Variants in RBM24 observed in about 807,000 individuals in gnomAD.
RBM24 encodes RNA binding motif protein 24, also known as RNA-binding protein 24.
A neutral mutation model predicts 23.6 loss-of-function variants in RBM24; 5 were observed. That is an observed-to-expected ratio of 0.21 (90% CI 0.11 to 0.45). The LOEUF is 0.45. RBM24 is among the 20% of genes least tolerant of loss of function. RBM24 has a pLI of 0.99. For missense variants in RBM24, 252 were observed against 314.6 expected (o/e 0.80, Z 1.51); for synonymous variants, 151 against 129.5 (o/e 1.17, Z -1.13).
intron 2 of RBM24, chr6:17,283,186 C>G: frequency 2.3e-6 from 1 of 432,538 alleles, no homozygotes; most frequent in Admixed American, 3.5e-5. Context: ...TCACCTGTTT[C>G]CTATATGGCA....
intron 2 of RBM24, 124 bp downstream of exon 2, chr6:17,283,052 CTTG>C: frequency 1.5e-6 from 1 of 668,918 alleles, no homozygotes; most frequent in South Asian, 1.9e-5. Flanking sequence ...TGAACCATGG[CTTG>C]TTATTCTACC....
At chr6:17,290,210 C>A in intron 3 of RBM24, 1 of 703,548 alleles carries the variant, frequency 1.4e-6, no homozygotes, top group Non-Finnish European at 2.1e-6. Flanking sequence ...TCTGAAAAAT[C>A]TACAAGTGCT....
At position 17,282,876 on chromosome 6, in the gene RBM24, G is replaced by C. The variant is rs1234253238; in HGVS notation, c.240G>C (p.Lys80Asn). ...CCAATCCCATCATTGATGGCAGAAA[G>C]GCCAACGTGAACCTGGCATACTTAG... ...KDPNPIIDGR[K>N]ANVNLAYLGA... The change falls in exon 2 of 4, where the codon AAG becomes AAC. Residue 80 changes from lysine to asparagine, a missense_variant. Lys to Asn is a moderately conservative substitution (Grantham distance 94). Coordinates refer to ENST00000379052, the MANE Select transcript of RBM24 (RefSeq NM_001143942.2). 1 of 1,614,092 alleles carries C rather than the reference G, an allele frequency of 6.2e-7. No individual in the cohort carries two copies. Among genetic ancestry groups the C allele is most frequent in the Non-Finnish European group, 8.5e-7 (1 of 1,180,016 alleles).
At chr6:17,282,522 G>A in intron 1 of RBM24, 1 of 518,974 alleles carries the variant, frequency 1.9e-6, no homozygotes. Flanking sequence ...ATCTCGGCTA[G>A]GCCCTACTAA....
In RBM24 at chr6:17,281,531, TGCCCGAGCCGCAGCCGCAGCCGGA is replaced by T. The variant is rs914361398; in HGVS notation, c.-39_-16del. ...GAGCCGGAGGAGGAGGCGCAGCCGCTGCCCGAGCCGCAGCCGCAGCCGGAGCCCGAGCCGCGGGGCGGGTGCGAA... is the reference window on the plus strand; with the variant it reads ...GAGCCGGAGGAGGAGGCGCAGCCGCTGCCCGAGCCGCGGGGCGGGTGCGAA... On this transcript the variant is annotated 5_prime_UTR_variant, in exon 1 of 4. Transcript: ENST00000379052. This position sits in a 1 kb window ranked among gnomAD's most constrained non-coding sequence, Gnocchi z 7.1. 122 of 1,447,998 alleles carry T rather than the reference TGCCCGAGCCGCAGCCGCAGCCGGA, an allele frequency of 8.4e-5. No individual in the cohort carries two copies. The highest frequency in any genetic ancestry group is 4.6e-4 in the Admixed American group (16 of 34,910). 89.7% of individuals were successfully genotyped at this position (1,447,998 alleles called of 1,614,324 possible). A position where few individuals can be genotyped will look rare whatever the true frequency, so the allele number is the denominator to read the frequency against.
Position 17,281,862 on chromosome 6 carries a change from AGCGGC to A in RBM24, c.168+116_168+120del. 1 of 1,404,954 alleles carries A rather than the reference AGCGGC, an allele frequency of 7.1e-7. No individual in the cohort carries two copies. Among genetic ancestry groups the A allele is most frequent in the Non-Finnish European group, 9.7e-7 (1 of 1,029,922 alleles). 87.0% of individuals were successfully genotyped at this position (1,404,954 alleles called of 1,614,324 possible). A position where few individuals can be genotyped will look rare whatever the true frequency, so the allele number is the denominator to read the frequency against. ...GACCCGTGAGGAGCCCCGCGGGTAGAGCGGCGCTGCCCCTTCGCTCCGGGGTGAAC... is the reference window on the plus strand; with the variant it reads ...GACCCGTGAGGAGCCCCGCGGGTAGAGCTGCCCCTTCGCTCCGGGGTGAAC... On this transcript the variant is annotated intron_variant, in intron 1 of 3. Coordinates refer to ENST00000379052, the MANE Select transcript of RBM24 (RefSeq NM_001143942.2). The surrounding 1 kb of genome is among the most constrained non-coding windows in gnomAD (Gnocchi z 7.1).
intron 3 of RBM24, chr6:17,288,315 A>T: frequency 1.0e-6 from 1 of 985,442 alleles, no homozygotes; most frequent in South Asian, 4.7e-5. Flanking sequence ...GATAAGAGAG[A>T]CGAACATCAG....
intron 1 of RBM24, chr6:17,282,091 G>A: frequency 1.6e-6 from 2 of 1,230,720 alleles, no homozygotes; most frequent in Non-Finnish European, 2.1e-6. Context: ...CTGGATGCCG[G>A]TTGTTAAGCG....
At position 17,291,788 on chromosome 6, in the gene RBM24, T is replaced by C; in HGVS notation, c.380T>C (p.Phe127Ser). The C allele has an allele frequency of 6.2e-7, 1 of 1,613,798 alleles. No individual in the cohort carries two copies. The highest frequency in any genetic ancestry group is 1.3e-5 in the African/African-American group (1 of 75,050). ...IPAHYVYPQA[F>S]VQPGVVIPHV... ...GCCCACTATGTCTATCCGCAGGCTTTTGTGCAGCCGGGAGTGGTCATTCCA... is the reference window on the plus strand; with the variant it reads ...GCCCACTATGTCTATCCGCAGGCTTCTGTGCAGCCGGGAGTGGTCATTCCA... Residue 127 changes from phenylalanine (F) to serine (S), a missense_variant, in exon 4 of 4, where the codon TTT becomes TCT. Phe to Ser is a radical substitution (Grantham distance 155). Transcript: ENST00000379052.
chr6:17,284,091 C>T (rs922992873), intron 2 of RBM24, among the ~76,000 whole-genome samples: 8 of 152,028 alleles, frequency 5.3e-5, no homozygotes, highest in African/African-American at 7.2e-5. Context: ...TCCATCCAAA[C>T]GGGTTTAAAA....
At chr6:17,284,784 C>A (rs1760144772) in intron 3 of RBM24, 73 bp downstream of exon 3, 1 of 1,076,138 alleles carries the variant, frequency 9.3e-7, no homozygotes, top group Non-Finnish European at 1.4e-6. Flanking sequence ...TTGTTATATA[C>A]AGATAAGATC....
rs1443975622 is a variant in RBM24 at position 17,289,927 on chromosome 6, T to A, written c.348-1829T>A. 5.5e-6 allele frequency: 7 copies of A among 1,279,848 alleles called. No individual in the cohort carries two copies. In the African/African-American group the frequency reaches 7.6e-5, roughly 14 times the overall value. The allele number at this position is 1,279,848 out of a possible 1,614,324, so 79.3% of individuals were successfully genotyped here. On this transcript the variant is annotated intron_variant, in intron 3 of 3. Coordinates refer to ENST00000379052, the MANE Select transcript of RBM24 (RefSeq NM_001143942.2). ...ACACCTGTTGTTGCGAGTGAGCCAG[T>A]CACCTGACCTGCAGCAAAGTTCTGA...
At chr6:17,289,884 A>T (rs1760302920) in intron 3 of RBM24, 1 of 1,238,042 alleles carries the variant, frequency 8.1e-7, no homozygotes, top group South Asian at 1.4e-5. Flanking sequence ...GCCTCCAGGG[A>T]CAGTGTTTCA....
At chr6:17,287,984 C>A (rs1477641339) in intron 3 of RBM24, among the ~76,000 whole-genome samples, 3 of 152,124 alleles carry the variant, frequency 2.0e-5, no homozygotes, top group African/African-American at 7.2e-5. Flanking sequence ...CTAACACTAA[C>A]CAAACATCTG....
intron 3 of RBM24, chr6:17,289,551 AACAC>A: frequency 1.0e-6 from 1 of 985,468 alleles, no homozygotes; most frequent in Non-Finnish European, 1.2e-6. Flanking sequence ...CATTCTTCAC[AACAC>A]TTTCTCCTTT....
Position 17,282,791 on chromosome 6 carries a change from T to C in RBM24, c.169-14T>C. 6.2e-7 allele frequency: 1 copy of C among 1,613,974 alleles called. No individual in the cohort carries two copies. The highest frequency in any genetic ancestry group is 8.5e-7 in the Non-Finnish European group (1 of 1,179,846). On this transcript the variant is annotated splice_polypyrimidine_tract_variant and intron_variant, in intron 1 of 3. Transcript: ENST00000379052. ...GAGGTTATGTATGTATGTCTGTGTG[T>C]GTCTGTTGCTAAGGTCACCATGGCT...
chr6:17,286,762 T>C (rs1581432661), intron 3 of RBM24, among the ~76,000 whole-genome samples: 1 of 151,910 alleles, frequency 6.6e-6, no homozygotes, highest in African/African-American at 2.4e-5. Context: ...GTCTGGAGGG[T>C]ATAGGATGGA....
rs1181469404 is a variant in RBM24, at chr6:17,281,785, G to T, written c.168+36G>T. On this transcript the variant is annotated intron_variant, in intron 1 of 3. Coordinates refer to ENST00000379052, the MANE Select transcript of RBM24 (RefSeq NM_001143942.2). The surrounding 1 kb of genome is among the most constrained non-coding windows in gnomAD (Gnocchi z 7.1). ...CGGACTGGGGGTGACGGGGAGGGAC[G>T]GAGTGGCGGCTGACCCCGGGGATCG... 6.5e-7 allele frequency: 1 copy of T among 1,543,300 alleles called. No individual in the cohort carries two copies. The highest frequency in any genetic ancestry group is 2.5e-5 in the East Asian group (1 of 39,986).
At chr6:17,283,276 T>A (rs376060185) in intron 2 of RBM24, among the ~76,000 whole-genome samples, 1 of 152,170 alleles carries the variant, frequency 6.6e-6, no homozygotes, top group Non-Finnish European at 1.5e-5. Context: ...AGGCCAAATT[T>A]GTCGACTTCA....
Sources: allele counts gnomAD v4.1 joint callset (sites outside exome capture counted in the v4.1 genomes callset), GRCh38; gene constraint gnomAD v4.1.1; non-coding constraint Gnocchi (gnomAD v3.1); transcripts MANE v1.5; gene names NCBI Gene and HGNC (gene_info 2026-07-23, HGNC 2026-07-21).